SLC1A3: variants seen among roughly 807,000 people sequenced by gnomAD.
The protein encoded by SLC1A3 is solute carrier family 1 member 3.
Under a neutral mutation model 48.1 loss-of-function variants are expected in SLC1A3, and 21 were observed. The ratio of observed to expected loss-of-function variants is 0.44; its 90% CI spans 0.31 to 0.63. The LOEUF is 0.63. Ranked by LOEUF, SLC1A3 falls within the 20% of genes least tolerant of loss-of-function variation. The pLI is 0.08. For missense variants in SLC1A3, 546 were observed against 689.0 expected (o/e 0.79, Z 2.32); for synonymous variants, 239 against 251.4 (o/e 0.95, Z 0.47).
At chr5:36,638,459 A>G (rs891265796) in intron 3 of SLC1A3, among the ~76,000 whole-genome samples, 8 of 152,224 alleles carry the variant, frequency 5.3e-5, no homozygotes, top group Admixed American at 3.3e-4. Context: ...CTTCAAAGTA[A>G]ATTGAAAGCT....
At chr5:36,636,270 G>A (rs1291760125) in intron 3 of SLC1A3, 1 of 152,120 alleles carries the variant, frequency 6.6e-6, no homozygotes, top group Admixed American at 6.6e-5. Flanking sequence ...ACGTCTGGTT[G>A]GGAGATGGAC....
chr5:36,606,062 C>A (rs1428973), upstream of SLC1A3, among the ~76,000 whole-genome samples: 129,564 of 152,302 alleles, frequency 0.85, 55,372 homozygotes, highest in African/African-American at 0.93. Context: ...TTTGAAGTTT[C>A]AACTGCTGAA....
chr5:36,645,765 T>C (rs1740817006), intron 3 of SLC1A3, among the ~76,000 whole-genome samples: 3 of 152,232 alleles, frequency 2.0e-5, no homozygotes, highest in Admixed American at 1.3e-4. Context: ...TGCACATTTG[T>C]ACTGAGCATT....
At chr5:36,614,226 T>C (rs1310186374) in intron 2 of SLC1A3, among the ~76,000 whole-genome samples, 1 of 152,236 alleles carries the variant, frequency 6.6e-6, no homozygotes, top group East Asian at 1.9e-4. Context: ...AAAGTGTCCA[T>C]AGACATTGTA....
chr5:36,677,364 C>A (rs1046837870), intron 6 of SLC1A3, among the ~76,000 whole-genome samples, 180 bp downstream of exon 6: 10 of 152,182 alleles, frequency 6.6e-5, no homozygotes, highest in African/African-American at 2.4e-4. Context: ...ATCTGCAAGC[C>A]TCTTCTAATA....
At chr5:36,681,408 T>C (rs1018200628) in intron 8 of SLC1A3, among the ~76,000 whole-genome samples, 6 of 152,244 alleles carry the variant, frequency 3.9e-5, no homozygotes, top group African/African-American at 1.4e-4. Context: ...TATGTTAGCT[T>C]GTATAGATAC....
At chr5:36,668,827 A>T (rs1248039670) in intron 3 of SLC1A3, 1 of 152,180 alleles carries the variant, frequency 6.6e-6, no homozygotes, top group Admixed American at 6.5e-5. Context: ...AGCCGTGGGT[A>T]TTGGGATAAC....
At chr5:36,621,710 C>T (rs563685850) in intron 2 of SLC1A3, among the ~76,000 whole-genome samples, 56 of 152,290 alleles carry the variant, frequency 3.7e-4, no homozygotes, top group Non-Finnish European at 2.8e-4. Context: ...ACTAGAATCT[C>T]GACATCATTA....
At chr5:36,637,135 C>G (rs1304538927) in intron 3 of SLC1A3, among the ~76,000 whole-genome samples, 1 of 152,182 alleles carries the variant, frequency 6.6e-6, no homozygotes, top group African/African-American at 2.4e-5. Context: ...CTCCACCATC[C>G]ACTGTGCTCC....
Position 36,663,380 on chromosome 5 carries a change from A to ATTTTTTTTTTTTTTTTTTTT in SLC1A3, c.320-7643_320-7624dup, listed in dbSNP as rs1156283585. On this transcript the variant is annotated intron_variant, in intron 3 of 9. Transcript: ENST00000265113. ...ACAGGCATGCTCCACCACGCCCGGCATTTTTTTTTTTTTTTTTTTTTTTTT... is the reference window on the plus strand; with the variant it reads ...ACAGGCATGCTCCACCACGCCCGGCATTTTTTTTTTTTTTTTTTTTTTTTTTTTTTTTTTTTTTTTTTTTT... Among the ~76,000 whole-genome samples the ATTTTTTTTTTTTTTTTTTTT allele has an allele frequency of 8.8e-3, 609 of 69,332 alleles. 2 individuals are homozygous for ATTTTTTTTTTTTTTTTTTTT. Among genetic ancestry groups the ATTTTTTTTTTTTTTTTTTTT allele is most frequent in the Middle Eastern group, 0.013 (1 of 76 alleles). The allele number at this position is 69,332 out of a possible 152,430, so 45.5% of individuals were successfully genotyped here.
chr5:36,609,428 C>A (rs1193544925), intron 2 of SLC1A3: 1 of 204,482 alleles, frequency 4.9e-6, no homozygotes, highest in African/African-American at 2.4e-5. Flanking sequence ...ACGCCAATGC[C>A]AGGTTGTAAA....
chr5:36,653,592 A>G (rs529888205), intron 3 of SLC1A3, among the ~76,000 whole-genome samples: 1 of 152,276 alleles, frequency 6.6e-6, no homozygotes, highest in African/African-American at 2.4e-5. Flanking sequence ...ACTCCAATGT[A>G]TAGTTTAGTA....
intron 3 of SLC1A3, among the ~76,000 whole-genome samples, chr5:36,650,791 T>C (rs112947254): frequency 9.7e-4 from 148 of 152,360 alleles, no homozygotes; most frequent in African/African-American, 3.3e-3. Flanking sequence ...CCAAAGGATA[T>C]TGAGTTAGGC....
At chr5:36,620,911 CT>C (rs869280684) in intron 2 of SLC1A3, among the ~76,000 whole-genome samples, 578 of 142,820 alleles carry the variant, frequency 4.0e-3, no homozygotes, top group Non-Finnish European at 3.9e-3. Context: ...TGAGCTAGGT[CT>C]TTTTTTTTTT....
intron 3 of SLC1A3, among the ~76,000 whole-genome samples, chr5:36,647,895 CTTGT>C (rs993800506): frequency 5.9e-5 from 9 of 152,172 alleles, no homozygotes; most frequent in South Asian, 4.1e-4. Flanking sequence ...TTCGTGGCTT[CTTGT>C]TTGTTTGTTT....
At chr5:36,638,427 C>T (rs1740479301) in intron 3 of SLC1A3, among the ~76,000 whole-genome samples, 1 of 152,176 alleles carries the variant, frequency 6.6e-6, no homozygotes, top group African/African-American at 2.4e-5. Context: ...TCTTCCCTAG[C>T]TCCATCAGAA....
chr5:36,636,964 C>T (rs1301274110), intron 3 of SLC1A3, among the ~76,000 whole-genome samples: 6 of 152,084 alleles, frequency 3.9e-5, no homozygotes, highest in African/African-American at 1.4e-4. Context: ...GTGAGGTCCA[C>T]CTATTGGTCC....
Position 36,676,985 on chromosome 5 carries a change from A to T in SLC1A3, c.661A>T (p.Met221Leu), listed in dbSNP as rs753687627. The T allele has an allele frequency of 6.2e-7, 1 of 1,614,104 alleles. No homozygotes were observed. Among genetic ancestry groups the T allele is most frequent in the Admixed American group, 1.7e-5 (1 of 60,022 alleles). ...GAVINNVSEA[M>L]ETLTRITEEL... The stretch of plus-strand genomic sequence containing the variant: ...TGTGATAAACAATGTGTCTGAGGCC[A>T]TGGAGACTCTTACCCGAATCACAGA... Residue 221 changes from methionine (M) to leucine (L), a missense_variant, in exon 6 of 10, where the codon ATG (methionine) becomes TTG (leucine). Coordinates refer to ENST00000265113, the MANE Select transcript of SLC1A3 (RefSeq NM_004172.5).
intron 3 of SLC1A3, among the ~76,000 whole-genome samples, chr5:36,657,401 C>T (rs55726251): frequency 0.082 from 12,502 of 152,228 alleles, 606 homozygotes; most frequent in Middle Eastern, 0.14. Context: ...ATAAAAATCA[C>T]GAAGTGTCTT....
Sources: allele counts gnomAD v4.1 joint callset (sites outside exome capture counted in the v4.1 genomes callset), GRCh38; gene constraint gnomAD v4.1.1; transcripts MANE v1.5; gene names NCBI Gene and HGNC (gene_info 2026-07-23, HGNC 2026-07-21).